Variants in ATXN10 observed in about 807,000 individuals in gnomAD.
ATXN10 encodes the protein ataxin 10.
A neutral mutation model predicts 52.9 loss-of-function variants in ATXN10; 28 were observed. The observed-to-expected ratio is 0.53, with a 90% CI of 0.39 to 0.73. The LOEUF is 0.73. ATXN10 is among the 30% of genes least tolerant of loss of function. The pLI is 0.00. For synonymous variants in ATXN10, 226 were observed against 221.5 expected, an observed-to-expected ratio of 1.02 and a Z score of -0.18; for missense variants, 565 against 577.0, an observed-to-expected ratio of 0.98 and a Z score of 0.21.
In ATXN10 at chr22:45,728,800, T is replaced by C. The variant is rs898436510; in HGVS notation, c.729-625T>C. On this transcript the variant is annotated intron_variant, in intron 6 of 11. Coordinates refer to ENST00000252934, the MANE Select transcript of ATXN10 (RefSeq NM_013236.4). The surrounding 1 kb of genome is among the most constrained non-coding windows in gnomAD (Gnocchi z 4.3). Reference sequence around the variant, plus strand: ...TGATGTAAAAATGGCACAGTCTTGGTCTTCAGATTTGTGTTTGTGTAAACT... The same window carrying C: ...TGATGTAAAAATGGCACAGTCTTGGCCTTCAGATTTGTGTTTGTGTAAACT... Among the ~76,000 whole-genome samples the C allele has an allele frequency of 6.6e-6, 1 of 152,212 alleles. No homozygotes were observed. The highest frequency in any genetic ancestry group is 2.4e-5 in the African/African-American group (1 of 41,440).
intron 1 of ATXN10, 46 bp from the exon 2 acceptor site, chr22:45,689,666 T>A: frequency 6.4e-7 from 1 of 1,572,924 alleles, no homozygotes; most frequent in Non-Finnish European, 8.7e-7. Flanking sequence ...CATTTGGAAA[T>A]CATAATCTTT....
In ATXN10 at chr22:45,841,420, C is replaced by A. The variant is rs543122922; in HGVS notation, c.1238-1571C>A. Among the ~76,000 whole-genome samples the A allele has an allele frequency of 6.6e-6, 1 of 152,342 alleles. No individual in the cohort carries two copies. Among genetic ancestry groups the A allele is most frequent in the African/African-American group, 2.4e-5 (1 of 41,580 alleles). Reference sequence around the variant, plus strand: ...TTCACTCAGCACATGTTGGTTGGTCCTTTGCTTTGTGCCAGGCTCCATGTT... The same window carrying A: ...TTCACTCAGCACATGTTGGTTGGTCATTTGCTTTGTGCCAGGCTCCATGTT... On this transcript the variant is annotated intron_variant, in intron 10 of 11. Coordinates refer to ENST00000252934, the MANE Select transcript of ATXN10 (RefSeq NM_013236.4). The surrounding 1 kb of genome is among the most constrained non-coding windows in gnomAD (Gnocchi z 5.1).
rs150883380 is a variant in ATXN10 at position 45,684,734 on chromosome 22, C to G, written c.117-4978C>G. 6.6e-6 allele frequency among the ~76,000 whole-genome samples: 1 copy of G among 152,148 alleles called. No homozygotes were observed. The highest frequency in any genetic ancestry group is 2.1e-4 in the South Asian group (1 of 4,824). On this transcript the variant is annotated intron_variant, in intron 1 of 11. Coordinates refer to ENST00000252934, the MANE Select transcript of ATXN10 (RefSeq NM_013236.4). The surrounding 1 kb of genome is among the most constrained non-coding windows in gnomAD (Gnocchi z 4.1). ...AATGGATTGGTCTGGGTTGTCAGGACGGCTTCGGAATCCTGGATGTGACAG... is the reference window on the plus strand; with the variant it reads ...AATGGATTGGTCTGGGTTGTCAGGAGGGCTTCGGAATCCTGGATGTGACAG...
chr22:45,838,252 T>G (rs980795931), intron 10 of ATXN10, among the ~76,000 whole-genome samples: 1 of 152,182 alleles, frequency 6.6e-6, no homozygotes, highest in Non-Finnish European at 1.5e-5. Flanking sequence ...CCACCCAGTT[T>G]AGTGTTAGGC....
chr22:45,774,948 C>CAAAT lies in ATXN10; in HGVS notation c.1174-31999_1174-31996dup, dbSNP rs982679730. 6.6e-6 allele frequency among the ~76,000 whole-genome samples: 1 copy of CAAAT among 151,920 alleles called. No homozygotes were observed. The highest frequency in any genetic ancestry group is 6.6e-5 in the Admixed American group (1 of 15,264). On this transcript the variant is annotated intron_variant, in intron 9 of 11. Coordinates refer to ENST00000252934, the MANE Select transcript of ATXN10 (RefSeq NM_013236.4). This position sits in a 1 kb window ranked among gnomAD's most constrained non-coding sequence, Gnocchi z 6.2. ...GAGTGAGACTCTGTCTCAAAACAAA[C>CAAAT]AAATAAATAAATAAAGGCAGGGGTC... is the stretch of plus-strand genomic sequence containing the variant.
intron 9 of ATXN10, among the ~76,000 whole-genome samples, chr22:45,751,753 AATAAAAAAAAAATAAT>A (rs1406957118): frequency 1.0e-5 from 1 of 96,406 alleles, no homozygotes; most frequent in African/African-American, 3.3e-5. Context: ...AAAAAAAAAA[AATAAAAAAAAAATAAT>A]AATAATAATA....
chr22:45,696,076 G>T lies in ATXN10; in HGVS notation c.391+2998G>T, dbSNP rs1381695372. Among the ~76,000 whole-genome samples, 1 of 152,096 alleles carries T rather than the reference G, an allele frequency of 6.6e-6. No individual in the cohort carries two copies. The highest frequency in any genetic ancestry group is 1.9e-4 in the East Asian group (1 of 5,200). ...ATTTACAGACAAAGTGCATCACCATGTTTTTTTGAGCATCAGTTTTTAAAA... is the reference window on the plus strand; with the variant it reads ...ATTTACAGACAAAGTGCATCACCATTTTTTTTTGAGCATCAGTTTTTAAAA... On this transcript the variant is annotated intron_variant, in intron 3 of 11. Coordinates refer to ENST00000252934, the MANE Select transcript of ATXN10 (RefSeq NM_013236.4). The surrounding 1 kb of genome is among the most constrained non-coding windows in gnomAD (Gnocchi z 4.7).
At chr22:45,830,506 TTAACAA>T (rs1219171487) in intron 10 of ATXN10, among the ~76,000 whole-genome samples, 1 of 152,108 alleles carries the variant, frequency 6.6e-6, no homozygotes, top group Non-Finnish European at 1.5e-5. Context: ...TTCATAAAAC[TTAACAA>T]TAAAACAACC....
At position 45,833,366 on chromosome 22, in the gene ATXN10, G is replaced by GT. The variant is rs1555899328; in HGVS notation, c.1238-9624dup. 6.6e-6 allele frequency among the ~76,000 whole-genome samples: 1 copy of GT among 152,212 alleles called. No individual in the cohort carries two copies. Among genetic ancestry groups the GT allele is most frequent in the Non-Finnish European group, 1.5e-5 (1 of 68,042 alleles). ...AGTGCTACCAGATGCCCAGACACTG[G>GT]TGTGTACAGCATAAGAGCGCTCCTT... On this transcript the variant is annotated intron_variant, in intron 10 of 11. Transcript: ENST00000252934. This position sits in a 1 kb window ranked among gnomAD's most constrained non-coding sequence, Gnocchi z 4.3.
Position 45,843,779 on chromosome 22 carries a change from G to T in ATXN10, c.*108G>T. 1 of 1,115,664 alleles carries T rather than the reference G, an allele frequency of 9.0e-7. No individual in the cohort carries two copies. The allele number at this position is 1,115,664 out of a possible 1,614,324, so 69.1% of individuals were successfully genotyped here. A position where few individuals can be genotyped will look rare whatever the true frequency, so the allele number is the denominator to read the frequency against. Reference sequence around the variant, plus strand: ...TTGAAGATTTATAAGTACAAATTTGGGAACATACAAATCTTTTAGGTAGTA... The same window carrying T: ...TTGAAGATTTATAAGTACAAATTTGTGAACATACAAATCTTTTAGGTAGTA... On this transcript the variant is annotated 3_prime_UTR_variant, in exon 12 of 12. Transcript: ENST00000252934. The surrounding 1 kb of genome is among the most constrained non-coding windows in gnomAD (Gnocchi z 4.5).
In ATXN10 at chr22:45,759,349, T is replaced by TA; in HGVS notation, c.1173+18816dup. ...TAACATGGTGAAACCCTGTCTCTAC[T>TA]AAAAATACAAAAAGTAGCCGGGCGT... On this transcript the variant is annotated intron_variant, in intron 9 of 11. Transcript: ENST00000252934. This position sits in a 1 kb window ranked among gnomAD's most constrained non-coding sequence, Gnocchi z 5.4. Among the ~76,000 whole-genome samples, 1 of 152,188 alleles carries TA rather than the reference T, an allele frequency of 6.6e-6. No homozygotes were observed. The highest frequency in any genetic ancestry group is 2.4e-5 in the African/African-American group (1 of 41,514).
intron 5 of ATXN10, among the ~76,000 whole-genome samples, chr22:45,716,469 G>A (rs1924451159): frequency 6.6e-6 from 1 of 151,744 alleles, no homozygotes; most frequent in Non-Finnish European, 1.5e-5. Context: ...CCGAGTAGTT[G>A]GGATTACAGG....
intron 9 of ATXN10, among the ~76,000 whole-genome samples, chr22:45,796,653 G>A (rs1328318511): frequency 2.0e-5 from 3 of 152,096 alleles, no homozygotes; most frequent in Non-Finnish European, 4.4e-5. Context: ...AAGAACCTAC[G>A]TTGAAATATT....
chr22:45,764,180 T>C (rs1926500296), intron 9 of ATXN10, among the ~76,000 whole-genome samples: 1 of 151,822 alleles, frequency 6.6e-6, no homozygotes. Flanking sequence ...ATCTTCTCCC[T>C]CCCCCATCGC....
At chr22:45,689,440 T>A in intron 1 of ATXN10, 1 of 476,246 alleles carries the variant, frequency 2.1e-6, no homozygotes, top group Non-Finnish European at 3.8e-6. Flanking sequence ...TCTACTTCAC[T>A]TACCTTATCT....
At position 45,727,373 on chromosome 22, in the gene ATXN10, A is replaced by G. The variant is rs1227518760; in HGVS notation, c.729-2052A>G. On this transcript the variant is annotated intron_variant, in intron 6 of 11. Transcript: ENST00000252934. The surrounding 1 kb of genome is among the most constrained non-coding windows in gnomAD (Gnocchi z 4.6). ...TATCTATCTATCTATCTATCTATCTATCTGAGACTGAGTCTCGCTCTGTTG... is the reference window on the plus strand; with the variant it reads ...TATCTATCTATCTATCTATCTATCTGTCTGAGACTGAGTCTCGCTCTGTTG... Among the ~76,000 whole-genome samples, 3 of 151,132 alleles carry G rather than the reference A, an allele frequency of 2.0e-5. No individual in the cohort carries two copies. The highest frequency in any genetic ancestry group is 4.4e-5 in the Non-Finnish European group (3 of 67,742).
At chr22:45,811,235 T>C (rs1346618124) in intron 10 of ATXN10, among the ~76,000 whole-genome samples, 2 of 152,204 alleles carry the variant, frequency 1.3e-5, no homozygotes, top group Admixed American at 6.5e-5. Context: ...AGTCCTGTTA[T>C]CATTATGAAG....
At chr22:45,741,485 G>A (rs1569044955) in intron 9 of ATXN10, among the ~76,000 whole-genome samples, 1 of 152,118 alleles carries the variant, frequency 6.6e-6, no homozygotes, top group Non-Finnish European at 1.5e-5. Context: ...AAAAGCCCTG[G>A]AAGATAAGAT....
chr22:45,779,388 ATATAATTCAGAAGAC>A (rs368229323), intron 9 of ATXN10, among the ~76,000 whole-genome samples: 11 of 152,352 alleles, frequency 7.2e-5, no homozygotes, highest in Middle Eastern at 3.4e-3. Context: ...AGACTCCAGA[ATATAATTCAGAAGAC>A]TATAATTCAG....
Sources: allele counts gnomAD v4.1 joint callset (sites outside exome capture counted in the v4.1 genomes callset), GRCh38; gene constraint gnomAD v4.1.1; non-coding constraint Gnocchi (gnomAD v3.1); transcripts MANE v1.5; gene names NCBI Gene and HGNC (gene_info 2026-07-23, HGNC 2026-07-21).